Variants in SCN9A observed in about 807,000 individuals in gnomAD.
SCN9A encodes sodium channel protein type 9 subunit alpha.
In SCN9A, 131 loss-of-function variants were observed where a neutral mutation model predicts 187.0. The observed-to-expected ratio is 0.70, with a 90% CI of 0.61 to 0.81. The LOEUF (loss-of-function observed/expected upper bound fraction) is 0.81, where lower values mean the gene tolerates loss of function less well. SCN9A is among the 30% of genes least tolerant of loss of function. The probability of loss-of-function intolerance (pLI) is 0.00; values close to 1 mark genes in which losing one functional copy is unlikely to be tolerated. For missense variants in SCN9A, 2,252 were observed against 2,396.6 expected (o/e 0.94, Z 1.26); for synonymous variants, 809 against 808.6 (o/e 1.00, Z -0.01).
intron 5 of SCN9A, 37 bp downstream of exon 5, chr2:166,305,755 C>T (rs1333482680): frequency 1.2e-6 from 2 of 1,612,728 alleles, no homozygotes; most frequent in Admixed American, 1.7e-5. Flanking sequence ...CTGAGATTTT[C>T]ATAAATTTGC....
At position 166,272,525 on chromosome 2, in the gene SCN9A, A is replaced by G. The variant is rs568167210; in HGVS notation, c.3225T>C (p.Asp1075=). The G allele has an allele frequency of 1.2e-6, 2 of 1,613,412 alleles. No individual in the cohort carries two copies. The highest frequency in any genetic ancestry group is 1.1e-5 in the South Asian group (1 of 91,048). ...TGGGATTGTGAATAAATGATTGACC[A>G]TCACTGTCTTCCATCAAGTGTTTGT... ...SVDKHLMEDS[D]GQSFIHNPSL... Residue 1075 remains aspartate, a synonymous_variant, in exon 17 of 27, where the codon GAT becomes GAC. Coordinates refer to ENST00000642356, the MANE Select transcript of SCN9A (RefSeq NM_001365536.1).
chr2:166,208,454 T>C (rs1282599704), intron 24 of SCN9A, among the ~76,000 whole-genome samples: 1 of 152,176 alleles, frequency 6.6e-6, no homozygotes, highest in African/African-American at 2.4e-5. Flanking sequence ...GTTGGTGCTA[T>C]TAAACTTCCT....
chr2:166,202,253 G>C (rs1693575930), intron 26 of SCN9A, among the ~76,000 whole-genome samples: 1 of 150,560 alleles, frequency 6.6e-6, no homozygotes, highest in South Asian at 2.1e-4. Context: ...GACTATAAGA[G>C]TATATGGTTA....
chr2:166,361,915 G>A (rs530959005), intron 1 of SCN9A, among the ~76,000 whole-genome samples: 1 of 152,182 alleles, frequency 6.6e-6, no homozygotes, highest in South Asian at 2.1e-4. Flanking sequence ...CATTCAAGAA[G>A]GCAAAATCCA....
In SCN9A at chr2:166,372,773, G is replaced by T. The variant is rs1004904800; in HGVS notation, c.-51+2924C>A. Among the ~76,000 whole-genome samples the T allele has an allele frequency of 5.3e-5, 8 of 152,214 alleles. No homozygotes were observed. The South Asian group carries it at 1.0e-3, about 20-fold the overall frequency. Reference sequence around the variant, plus strand: ...AGGGTTAATATGCTTTATTCTGGAAGAATCCATATTTTTGTATTTTATTAT... The same window carrying T: ...AGGGTTAATATGCTTTATTCTGGAATAATCCATATTTTTGTATTTTATTAT... On this transcript the variant is annotated intron_variant, in intron 1 of 26. Coordinates refer to ENST00000642356, the MANE Select transcript of SCN9A (RefSeq NM_001365536.1).
intron 1 of SCN9A, among the ~76,000 whole-genome samples, chr2:166,327,747 A>C (rs1699400090): frequency 6.6e-6 from 1 of 152,214 alleles, no homozygotes; most frequent in Non-Finnish European, 1.5e-5. Flanking sequence ...AGAAATAAAC[A>C]GTCAAATATA....
At chr2:166,368,591 C>T (rs1247649304) in intron 1 of SCN9A, among the ~76,000 whole-genome samples, 3 of 151,384 alleles carry the variant, frequency 2.0e-5, no homozygotes, top group African/African-American at 7.3e-5. Flanking sequence ...CAACATCGTA[C>T]CACTGCACTC....
intron 1 of SCN9A, among the ~76,000 whole-genome samples, chr2:166,358,343 CACAAACAT>C (rs2105310230): frequency 6.6e-6 from 1 of 151,956 alleles, no homozygotes; most frequent in East Asian, 1.9e-4. Flanking sequence ...GTGCTGGGAT[CACAAACAT>C]GAGCCACCAC....
chr2:166,289,548 G>A (rs1039433867), intron 9 of SCN9A, among the ~76,000 whole-genome samples: 4 of 152,112 alleles, frequency 2.6e-5, no homozygotes, highest in African/African-American at 9.7e-5. Context: ...ATTCCATGGT[G>A]TATATGTGCC....
At chr2:166,238,613 AT>A (rs1307149303) in intron 19 of SCN9A, among the ~76,000 whole-genome samples, 1 of 152,148 alleles carries the variant, frequency 6.6e-6, no homozygotes, top group Non-Finnish European at 1.5e-5. Context: ...TTAAGACATG[AT>A]CCCATGGCCA....
chr2:166,367,269 A>AT (rs1001027059), intron 1 of SCN9A, among the ~76,000 whole-genome samples: 21 of 151,394 alleles, frequency 1.4e-4, no homozygotes, highest in African/African-American at 4.6e-4. Flanking sequence ...CATTTTTTTA[A>AT]TTTTTTTTCT....
At position 166,200,147 on chromosome 2, in the gene SCN9A, G is replaced by A. The variant is rs561209106; in HGVS notation, c.4775-283C>T. Among the ~76,000 whole-genome samples the A allele has an allele frequency of 2.0e-4, 30 of 148,010 alleles. No homozygotes were observed. The East Asian group carries it at 5.4e-3, about 27-fold the overall frequency. On this transcript the variant is annotated intron_variant, in intron 26 of 26. Transcript: ENST00000642356. ...CGAGTAGCTGGGACTACAGGCGCCC[G>A]CTACCACGCCCGGCTAATTTTTTGT...
At chr2:166,320,776 C>G (rs574670231) in intron 1 of SCN9A, among the ~76,000 whole-genome samples, 1 of 152,214 alleles carries the variant, frequency 6.6e-6, no homozygotes, top group Admixed American at 6.5e-5. Flanking sequence ...GTTTTAAAAT[C>G]CCTTTCACTT....
At chr2:166,370,550 T>A (rs977147365) in intron 1 of SCN9A, among the ~76,000 whole-genome samples, 1,224 of 113,056 alleles carry the variant, frequency 0.011, no homozygotes, top group Non-Finnish European at 0.016. Context: ...CTCAAAAAAA[T>A]AAAAAATAAA....
At chr2:166,238,490 G>T (rs1372336820) in intron 19 of SCN9A, among the ~76,000 whole-genome samples, 1 of 152,138 alleles carries the variant, frequency 6.6e-6, no homozygotes, top group African/African-American at 2.4e-5. Flanking sequence ...AAGTGCAAAA[G>T]AATGAAATTA....
chr2:166,368,263 A>C (rs1045721638), intron 1 of SCN9A, among the ~76,000 whole-genome samples: 9 of 152,224 alleles, frequency 5.9e-5, no homozygotes, highest in African/African-American at 2.2e-4. Flanking sequence ...AGACGTCCAT[A>C]CATAAGACTG....
At chr2:166,363,081 C>T (rs1013189587) in intron 1 of SCN9A, among the ~76,000 whole-genome samples, 3 of 151,988 alleles carry the variant, frequency 2.0e-5, no homozygotes, top group Admixed American at 6.6e-5. Flanking sequence ...GGTATAAACA[C>T]TAACCTTAAA....
At chr2:166,367,061 A>G (rs986425890) in intron 1 of SCN9A, among the ~76,000 whole-genome samples, 2 of 152,160 alleles carry the variant, frequency 1.3e-5, no homozygotes, top group African/African-American at 4.8e-5. Flanking sequence ...GATGCTCTAA[A>G]TATTTGTACT....
rs879253974 is a variant in SCN9A, at chr2:166,204,387, C to A, written c.4476G>T (p.Lys1492Asn). Residue 1492 changes from lysine (K) to asparagine (N), a missense_variant, in exon 25 of 27, where the codon AAG (lysine) becomes AAT (asparagine). Around this residue, in one of 7 missense-constraint regions of SCN9A, gnomAD observed 368 missense variants for 408.6 expected, o/e 0.90. Coordinates refer to ENST00000642356, the MANE Select transcript of SCN9A (RefSeq NM_001365536.1). ...CTGGTCGAGGAATTGGCTTTTGTGG[C>A]TTCTTGGACCCCAGCTTTTTCATTG... ...YNAMKKLGSK[K>N]PQKPIPRPGN... 4 of 1,609,540 alleles carry A rather than the reference C, an allele frequency of 2.5e-6. No individual in the cohort carries two copies. The highest frequency in any genetic ancestry group is 1.7e-4 in the Middle Eastern group (1 of 5,834).
Sources: gnomAD v4.1 joint callset for allele counts (sites outside exome capture counted in the v4.1 genomes callset) on GRCh38, gnomAD v4.1.1 for gene constraint, gnomAD v4.1.1 regional missense constraint, MANE v1.5 for transcripts, NCBI Gene and HGNC (gene_info 2026-07-23, HGNC 2026-07-21) for gene names.